FANCL: variants seen among roughly 807,000 people sequenced by gnomAD.
The protein encoded by FANCL is FA complementation group L, also known as E3 ubiquitin-protein ligase FANCL.
In FANCL, 69 loss-of-function variants were observed where a neutral mutation model predicts 59.4. The ratio of observed to expected loss-of-function variants is 1.16; its 90% CI spans 0.96 to 1.42. FANCL has a LOEUF of 1.42. FANCL is among the 40% of genes most tolerant of loss of function. FANCL has a pLI of 0.00. For missense variants in FANCL, 519 were observed against 447.2 expected, an observed-to-expected ratio of 1.16 and a Z score of -1.45; for synonymous variants, 180 against 147.1, an observed-to-expected ratio of 1.22 and a Z score of -1.62.
intron 8 of FANCL, among the ~76,000 whole-genome samples, chr2:58,164,503 T>C (rs532653324): frequency 6.6e-6 from 1 of 152,118 alleles, no homozygotes; most frequent in African/African-American, 2.4e-5. Flanking sequence ...CTCCAGACAG[T>C]ACTTTCACGT....
At chr2:58,171,742 CAGACAGTGGGCGCA>C in intron 7 of FANCL, among the ~76,000 whole-genome samples, 1 of 152,324 alleles carries the variant, frequency 6.6e-6, no homozygotes, top group Admixed American at 6.5e-5. Context: ...TAGGGAGTGC[CAGACAGTGGGCGCA>C]AGACAGTGGG....
At chr2:58,192,553 T>C (rs1327151371) in intron 7 of FANCL, among the ~76,000 whole-genome samples, 1 of 151,950 alleles carries the variant, frequency 6.6e-6, no homozygotes, top group Admixed American at 6.6e-5. Flanking sequence ...ACCACATTAC[T>C]TATATCTACA....
intron 5 of FANCL, among the ~76,000 whole-genome samples, chr2:58,219,866 C>G (rs932011986): frequency 6.6e-6 from 1 of 152,100 alleles, no homozygotes; most frequent in African/African-American, 2.4e-5. Context: ...AAACTTCTTT[C>G]ATGGCTTCTC....
intron 4 of FANCL, 147 bp from the exon 5 acceptor site, chr2:58,222,189 T>C (rs1692541550): frequency 1.2e-5 from 7 of 601,348 alleles, no homozygotes; most frequent in Non-Finnish European, 1.8e-5. Context: ...CTCATTCCCC[T>C]GCTCATGAAA....
At chr2:58,216,850 G>C (rs114576415) in intron 5 of FANCL, among the ~76,000 whole-genome samples, 2 of 151,882 alleles carry the variant, frequency 1.3e-5, no homozygotes, top group African/African-American at 4.8e-5. Flanking sequence ...ATCCAAGCAC[G>C]GGGGTAAAGC....
rs756695293 is a variant in FANCL, at chr2:58,162,888, G to A, written c.881C>T (p.Ala294Val). 2.1e-5 allele frequency: 34 copies of A among 1,612,312 alleles called. No individual in the cohort carries two copies. Among genetic ancestry groups the A allele is most frequent in the Non-Finnish European group, 2.8e-5 (33 of 1,178,792 alleles). ...TACAGATTTTTCCAGGATAGCACGA[G>A]CTGGAAAATCAATTTCTAAAACATC... The part of the protein sequence containing the change: ...LKDVLEIDFP[A>V]RAILEKSDFT... Residue 294 changes from alanine to valine, a missense_variant, in exon 11 of 14, where the codon GCT (alanine) becomes GTT (valine). Ala to Val is a moderately conservative substitution (Grantham distance 64). Coordinates refer to ENST00000233741, the MANE Select transcript of FANCL (RefSeq NM_018062.4).
chr2:58,167,174 T>G (rs1558742966), intron 7 of FANCL, among the ~76,000 whole-genome samples: 1 of 152,116 alleles, frequency 6.6e-6, no homozygotes, highest in Non-Finnish European at 1.5e-5. Context: ...ATCGCGCCAC[T>G]GCACTCCAGC....
upstream of FANCL, chr2:58,241,378 G>C (rs1370059580): frequency 6.6e-7 from 1 of 1,511,014 alleles, no homozygotes; most frequent in Non-Finnish European, 9.1e-7. Flanking sequence ...TGCGCAGTCC[G>C]CTGGCGCTCG....
Position 58,159,629 on chromosome 2 carries a change from A to G in FANCL, c.*136T>C, listed in dbSNP as rs777650949. ...AGTGAAGAGACAAACGCAGATGTTT[A>G]TTATTATCGCATCATCATACCTGTC... On this transcript the variant is annotated 3_prime_UTR_variant, in exon 14 of 14. Transcript: ENST00000233741. The G allele has an allele frequency of 8.7e-6, 14 of 1,613,826 alleles. No individual in the cohort carries two copies. Among genetic ancestry groups the G allele is most frequent in the African/African-American group, 1.3e-5 (1 of 75,048 alleles).
intron 7 of FANCL, among the ~76,000 whole-genome samples, chr2:58,168,637 C>T (rs1298718928): frequency 2.6e-5 from 4 of 152,012 alleles, no homozygotes; most frequent in Admixed American, 6.6e-5. Flanking sequence ...GATGCCAGGG[C>T]GCCAAGTGGT....
At chr2:58,167,137 G>A (rs560147347) in intron 7 of FANCL, among the ~76,000 whole-genome samples, 1 of 152,172 alleles carries the variant, frequency 6.6e-6, no homozygotes, top group South Asian at 2.1e-4. Flanking sequence ...ACTTGAACCC[G>A]GGAGGCAGAG....
chr2:58,212,699 G>A (rs1456259940), intron 5 of FANCL, among the ~76,000 whole-genome samples: 1 of 151,928 alleles, frequency 6.6e-6, no homozygotes, highest in East Asian at 1.9e-4. Flanking sequence ...GAAGTTAACA[G>A]AAACCCACCA....
At chr2:58,209,252 T>TATA (rs1558796713) in intron 5 of FANCL, among the ~76,000 whole-genome samples, 1 of 152,212 alleles carries the variant, frequency 6.6e-6, no homozygotes, top group Non-Finnish European at 1.5e-5. Context: ...CATGTATATA[T>TATA]GACAATGTAG....
In FANCL at chr2:58,217,188, A is replaced by ATTT. The variant is rs1471890735; in HGVS notation, c.374+4753_374+4754insAAA. 2.6e-3 allele frequency among the ~76,000 whole-genome samples: 10 copies of ATTT among 3,874 alleles called. 1 individual carries two copies. Among genetic ancestry groups the ATTT allele is most frequent in the African/African-American group, 0.021 (10 of 482 alleles). The allele number at this position is 3,874 out of a possible 152,430, so 2.5% of individuals were successfully genotyped here. ...ATTTTATATATATATATATATATAT[A>ATTT]TATATATATATATATATATATATAT... is the stretch of plus-strand genomic sequence containing the variant. On this transcript the variant is annotated intron_variant, in intron 5 of 13. Transcript: ENST00000233741.
At chr2:58,221,484 C>A (rs560009587) in intron 5 of FANCL, among the ~76,000 whole-genome samples, 1 of 152,044 alleles carries the variant, frequency 6.6e-6, no homozygotes, top group Non-Finnish European at 1.5e-5. Context: ...TTCTTACAAA[C>A]CCTAGTTGCT....
At position 58,160,023 on chromosome 2, in the gene FANCL, C is replaced by T; in HGVS notation, c.1092+85G>A. Reference sequence around the variant, plus strand: ...ATGAGTTTCAAAAGTTTTAGATAAACTGATATACTATATAGATCTATCTTC... The same window carrying T: ...ATGAGTTTCAAAAGTTTTAGATAAATTGATATACTATATAGATCTATCTTC... On this transcript the variant is annotated intron_variant, in intron 13 of 13. Coordinates refer to ENST00000233741, the MANE Select transcript of FANCL (RefSeq NM_018062.4). The T allele has an allele frequency of 1.9e-6, 3 of 1,590,992 alleles. No homozygotes were observed. The African/African-American group carries it at 4.1e-5, about 22-fold the overall frequency.
chr2:58,165,655 T>C, intron 8 of FANCL, 69 bp downstream of exon 8: 3 of 1,581,396 alleles, frequency 1.9e-6, no homozygotes, highest in Non-Finnish European at 2.6e-6. Flanking sequence ...CAACTGTCAT[T>C]GTTAGATTTA....
chr2:58,233,636 A>C (rs547396270), intron 1 of FANCL, among the ~76,000 whole-genome samples: 1 of 152,082 alleles, frequency 6.6e-6, no homozygotes, highest in Non-Finnish European at 1.5e-5. Flanking sequence ...AGCACTTTCC[A>C]ATAGAACCTA....
At chr2:58,200,750 C>T (rs1689924358) in intron 6 of FANCL, among the ~76,000 whole-genome samples, 2 of 151,430 alleles carry the variant, frequency 1.3e-5, no homozygotes, top group African/African-American at 2.4e-5. Context: ...AACAGTTAAA[C>T]AAAAAAGCAA....
Sources: allele counts gnomAD v4.1 joint callset (sites outside exome capture counted in the v4.1 genomes callset), GRCh38; gene constraint gnomAD v4.1.1; transcripts MANE v1.5; gene names NCBI Gene and HGNC (gene_info 2026-07-23, HGNC 2026-07-21).